The following PCDHGB3 variants were observed in gnomAD, a reference collection of about 807,000 sequenced individuals.
The protein encoded by PCDHGB3 is protocadherin gamma subfamily B, 3.
In PCDHGB3, 40 loss-of-function variants were observed where a neutral mutation model predicts 59.2. That is an observed-to-expected ratio of 0.68 (90% CI 0.52 to 0.88). The LOEUF (loss-of-function observed/expected upper bound fraction) is 0.88, where lower values mean the gene tolerates loss of function less well. PCDHGB3 is among the 40% of genes least tolerant of loss of function. PCDHGB3 has a pLI of 0.00. For missense variants in PCDHGB3, 1,309 were observed against 1,187.9 expected (o/e 1.10, Z -1.50); for synonymous variants, 581 against 503.6 (o/e 1.15, Z -2.06).
chr5:141,475,862 T>G, intron 1 of PCDHGB3: 1 of 492,756 alleles, frequency 2.0e-6, no homozygotes, highest in Non-Finnish European at 3.6e-6. Context: ...GCTAGCTCAT[T>G]CTTCGTGCAG....
At chr5:141,392,322 A>G (rs2092513343) in intron 1 of PCDHGB3, 1 of 152,296 alleles carries the variant, frequency 6.6e-6, no homozygotes, top group South Asian at 2.1e-4. Flanking sequence ...TTAAGACCAA[A>G]TGTATTGCAG....
chr5:141,421,527 GTCC>G (rs2096581302), intron 1 of PCDHGB3: 1 of 1,614,050 alleles, frequency 6.2e-7, no homozygotes, highest in African/African-American at 1.3e-5. Flanking sequence ...GTGAGACGGT[GTCC>G]TCCTGTTTTT....
At chr5:141,420,237 C>A in intron 1 of PCDHGB3, 1 of 1,595,672 alleles carries the variant, frequency 6.3e-7, no homozygotes, top group Non-Finnish European at 8.6e-7. Context: ...AGCATTTTAA[C>A]TCCCAGCGTT....
chr5:141,411,366 T>C (rs559840924), intron 1 of PCDHGB3: 1 of 152,208 alleles, frequency 6.6e-6, no homozygotes, highest in South Asian at 2.1e-4. Flanking sequence ...AGCCCAAGAA[T>C]TGAGACCAGC....
Position 141,431,461 on chromosome 5 carries a change from T to C in PCDHGB3, c.2415+58652T>C, listed in dbSNP as rs1477501293. 1 of 1,613,800 alleles carries C rather than the reference T, an allele frequency of 6.2e-7. No individual in the cohort carries two copies. Among genetic ancestry groups the C allele is most frequent in the Admixed American group, 1.7e-5 (1 of 60,032 alleles). ...CGCGCATCCGCGTGATGGTTCTGGA[T>C]GCGAACGACAACGCACCAGCGTTTG... On this transcript the variant is annotated intron_variant, in intron 1 of 3. Transcript: ENST00000576222. The surrounding 1 kb of genome is among the most constrained non-coding windows in gnomAD (Gnocchi z 4.8).
intron 1 of PCDHGB3, among the ~76,000 whole-genome samples, chr5:141,459,812 A>G (rs1390780491): frequency 1.3e-5 from 2 of 152,232 alleles, no homozygotes; most frequent in South Asian, 2.1e-4. Context: ...GACTAGAGAC[A>G]CTGAGCAACT....
At chr5:141,395,034 G>A (rs772873954) in intron 1 of PCDHGB3, 21 of 1,614,032 alleles carry the variant, frequency 1.3e-5, no homozygotes, top group African/African-American at 5.3e-5. Context: ...CTCACATTTT[G>A]TGGGTGTTGA....
At position 141,491,137 on chromosome 5, in the gene PCDHGB3, GC is replaced by G. The variant is rs1373404184; in HGVS notation, c.2416-3668del. ...CACTGGTGAGGTGCGCACAGCCCGG[GC>G]CTTACTGGAGGATGACTCTGACACC... On this transcript the variant is annotated intron_variant, in intron 1 of 3. Transcript: ENST00000576222. This position sits in a 1 kb window ranked among gnomAD's most constrained non-coding sequence, Gnocchi z 6.9. The G allele has an allele frequency of 1.2e-6, 2 of 1,614,156 alleles. No individual in the cohort carries two copies. Among genetic ancestry groups the G allele is most frequent in the Non-Finnish European group, 1.7e-6 (2 of 1,180,008 alleles).
intron 1 of PCDHGB3, among the ~76,000 whole-genome samples, chr5:141,482,914 A>G (rs1023561837): frequency 6.6e-6 from 1 of 152,162 alleles, no homozygotes; most frequent in Non-Finnish European, 1.5e-5. Context: ...TCTATTAAAA[A>G]TACAAAAAAT....
At chr5:141,492,962 C>A (rs1197532146) in intron 1 of PCDHGB3, among the ~76,000 whole-genome samples, 2 of 152,258 alleles carry the variant, frequency 1.3e-5, no homozygotes, top group African/African-American at 2.4e-5. Flanking sequence ...CTATCTGACA[C>A]TCTAACAAGT....
chr5:141,460,454 T>A (rs1010186960), intron 1 of PCDHGB3, among the ~76,000 whole-genome samples: 6 of 152,194 alleles, frequency 3.9e-5, no homozygotes, highest in Admixed American at 3.3e-4. Flanking sequence ...TGAAGATTCA[T>A]ATTTTTTTCC....
chr5:141,431,273 C>T lies in PCDHGB3; in HGVS notation c.2415+58464C>T, dbSNP rs752219345. 54 of 1,614,068 alleles carry T rather than the reference C, an allele frequency of 3.3e-5. No individual in the cohort carries two copies. Among genetic ancestry groups the T allele is most frequent in the Non-Finnish European group, 4.1e-5 (48 of 1,180,052 alleles). On this transcript the variant is annotated intron_variant, in intron 1 of 3. Transcript: ENST00000576222. The surrounding 1 kb of genome is among the most constrained non-coding windows in gnomAD (Gnocchi z 4.8). Reference sequence around the variant, plus strand: ...GAAGAACTCTCTGCAGAGCTACGAGCTCAGCCCGAACACTCACTTCTCCCT... The same window carrying T: ...GAAGAACTCTCTGCAGAGCTACGAGTTCAGCCCGAACACTCACTTCTCCCT...
At chr5:141,457,554 G>A (rs2098924282) in intron 1 of PCDHGB3, among the ~76,000 whole-genome samples, 1 of 152,166 alleles carries the variant, frequency 6.6e-6, no homozygotes, top group Admixed American at 6.5e-5. Flanking sequence ...TGTATGATAA[G>A]CTTTGGAGCA....
Position 141,486,914 on chromosome 5 carries a change from C to T in PCDHGB3, c.2416-7893C>T, listed in dbSNP as rs1469857080. On this transcript the variant is annotated intron_variant, in intron 1 of 3. Coordinates refer to ENST00000576222, the MANE Select transcript of PCDHGB3 (RefSeq NM_018924.5). This position sits in a 1 kb window ranked among gnomAD's most constrained non-coding sequence, Gnocchi z 5.0. ...TGGTTCCTTATGTCCCCAAGCACTG[C>T]CTCCATCAGTTGGTGCTGGCCACCT... The T allele has an allele frequency of 6.2e-7, 1 of 1,614,236 alleles. No individual in the cohort carries two copies.
chr5:141,371,075 G>A lies in PCDHGB3; in HGVS notation c.681G>A (p.Gln227=). The part of the protein sequence containing the change: ...GGEPSRSCTT[Q]IRVIVADAND... ...AGCCCTCCAGAAGCTGTACCACCCA[G>A]ATCAGGGTAATTGTCGCAGATGCAA... Residue 227 remains glutamine (Q), a synonymous_variant, in exon 1 of 4, where the codon CAG becomes CAA. Transcript: ENST00000576222. The A allele has an allele frequency of 6.2e-7, 1 of 1,613,904 alleles. No homozygotes were observed. The highest frequency in any genetic ancestry group is 8.5e-7 in the Non-Finnish European group (1 of 1,179,832).
intron 1 of PCDHGB3, among the ~76,000 whole-genome samples, chr5:141,386,536 GTGT>G (rs1561611759): frequency 6.6e-6 from 1 of 151,656 alleles, no homozygotes; most frequent in African/African-American, 2.4e-5. Flanking sequence ...TTTTAGACTA[GTGT>G]TGTATTTGGT....
chr5:141,383,093 G>A, intron 1 of PCDHGB3: 1 of 1,613,930 alleles, frequency 6.2e-7, no homozygotes, highest in Non-Finnish European at 8.5e-7. Flanking sequence ...CGCGGAGTCC[G>A]CATCATCTCC....
chr5:141,413,682 C>G, intron 1 of PCDHGB3: 1 of 1,613,798 alleles, frequency 6.2e-7, no homozygotes, highest in South Asian at 1.1e-5. Context: ...TGGGCGTGAA[C>G]TCCCTGCAGA....
Position 141,510,982 on chromosome 5 carries a change from G to A in PCDHGB3, c.2599G>A (p.Ala867Thr). The A allele has an allele frequency of 3.1e-6, 5 of 1,614,166 alleles. No homozygotes were observed. Among genetic ancestry groups the A allele is most frequent in the Non-Finnish European group, 3.4e-6 (4 of 1,180,018 alleles). Reference protein sequence around the residue: ...ADGSSTLGGGAGTMGLSARYG... With the variant: ...ADGSSTLGGGTGTMGLSARYG... Reference sequence around the variant, plus strand: ...TGGGAGCTCCACCCTGGGAGGGGGTGCCGGCACCATGGGATTGAGCGCCCG... The same window carrying A: ...TGGGAGCTCCACCCTGGGAGGGGGTACCGGCACCATGGGATTGAGCGCCCG... The change falls in exon 4 of 4, where the codon GCC (alanine) becomes ACC (threonine). Residue 867 changes from alanine to threonine, a missense_variant. Coordinates refer to ENST00000576222, the MANE Select transcript of PCDHGB3 (RefSeq NM_018924.5).
Sources: allele counts gnomAD v4.1 joint callset (sites outside exome capture counted in the v4.1 genomes callset), GRCh38; gene constraint gnomAD v4.1.1; non-coding constraint Gnocchi (gnomAD v3.1); transcripts MANE v1.5; gene names NCBI Gene and HGNC (gene_info 2026-07-23, HGNC 2026-07-21).